The following SEMA4A variants were observed in gnomAD, a reference collection of about 807,000 sequenced individuals.
The protein encoded by SEMA4A is semaphorin 4A, also known as semaphorin-4A.
In SEMA4A, 52 loss-of-function variants were observed where a neutral mutation model predicts 72.5. The ratio of observed to expected loss-of-function variants is 0.72; its 90% CI spans 0.57 to 0.90. The LOEUF is 0.90. SEMA4A is among the 40% of genes least tolerant of loss of function. The pLI, the probability that SEMA4A is intolerant of heterozygous loss-of-function variation, is 0.00. For synonymous variants in SEMA4A, 369 were observed against 393.1 expected (o/e 0.94, Z 0.73); for missense variants, 926 against 959.7 (o/e 0.96, Z 0.46).
Position 156,162,981 on chromosome 1 carries a change from TTC to T in SEMA4A, c.1029_1030del (p.Leu344GlyfsTer3), listed in dbSNP as rs1653804883. On this transcript the variant is annotated frameshift_variant, in exon 10 of 15. Coordinates refer to ENST00000368285, the MANE Select transcript of SEMA4A (RefSeq NM_022367.4). LOFTEE classifies it high-confidence loss of function. ...GACCAGGAGCTCTGCGGTTTGTGCC[TTC>T]TCTCTCTTGGACATTGAACGTGTCT... is the stretch of plus-strand genomic sequence containing the variant. Reference protein sequence around the residue: ...GGTRSSAVCAFSLLDIERVFK... With the variant: ...GGTRSSAVCAXSLLDIERVFK... 3 of 1,614,072 alleles carry T rather than the reference TTC, an allele frequency of 1.9e-6. No homozygotes were observed. The highest frequency in any genetic ancestry group is 2.5e-6 in the Non-Finnish European group (3 of 1,180,036).
rs766225525 is a variant in SEMA4A, at chr1:156,160,998, T to G, written c.779T>G (p.Leu260Arg). 7.0e-6 allele frequency: 11 copies of G among 1,581,432 alleles called. No homozygotes were observed. The highest frequency in any genetic ancestry group is 9.5e-6 in the Non-Finnish European group (11 of 1,163,054). Residue 260 changes from leucine (L) to arginine (R), a missense_variant, in exon 8 of 15, where the codon CTC becomes CGC. Leu to Arg is a moderately radical substitution (Grantham distance 102). Coordinates refer to ENST00000368285, the MANE Select transcript of SEMA4A (RefSeq NM_022367.4). ...AGCGAGTTTGACTTCTTTGAGAGGC[T>G]CCACACATCGCGGGTGGCTAGAGTC... ...TASEFDFFER[L>R]HTSRVARVCK...
At chr1:156,152,872 C>T (rs950125766), upstream of SEMA4A, among the ~76,000 whole-genome samples, 3 of 152,136 alleles carry the variant, frequency 2.0e-5, no homozygotes, top group South Asian at 2.1e-4. Flanking sequence ...CTGACCATGT[C>T]GAGTGGGCAG....
intron 2 of SEMA4A, 132 bp downstream of exon 2, chr1:156,154,849 G>A (rs1444932884): frequency 2.7e-6 from 3 of 1,097,668 alleles, no homozygotes; most frequent in African/African-American, 1.6e-5. Context: ...ATGCCAGGGA[G>A]AAACAGAGGA....
rs1260015470 is a variant in SEMA4A, at chr1:156,163,097, G to A, written c.1134+3G>A. ...AGACCAACCCCCGGCCAGGCAGTGT[G>A]AGTACTACCCCCCACACTGAGCACA... On this transcript the variant is annotated splice_donor_region_variant and intron_variant, in intron 10 of 14. Transcript: ENST00000368285. The A allele has an allele frequency of 6.2e-7, 1 of 1,612,380 alleles. No individual in the cohort carries two copies. The highest frequency in any genetic ancestry group is 2.2e-5 in the East Asian group (1 of 44,884).
Position 156,155,080 on chromosome 1 carries a change from G to A in SEMA4A, c.139+363G>A, listed in dbSNP as rs1200524753. The A allele has an allele frequency of 9.4e-6, 3 of 319,438 alleles. No individual in the cohort carries two copies. In the Admixed American group the frequency reaches 1.4e-4, roughly 15 times the overall value. 19.8% of individuals were successfully genotyped at this position (319,438 alleles called of 1,614,324 possible). ...CACTCCCAGGTACCCCAAAGTCAAGGCCCATGCTAGAAGACCATATGTGGA... is the reference window on the plus strand; with the variant it reads ...CACTCCCAGGTACCCCAAAGTCAAGACCCATGCTAGAAGACCATATGTGGA... On this transcript the variant is annotated intron_variant, in intron 2 of 14. Transcript: ENST00000368285.
upstream of SEMA4A, among the ~76,000 whole-genome samples, chr1:156,147,950 C>A (rs1652226977): frequency 6.6e-6 from 1 of 152,348 alleles, no homozygotes; most frequent in South Asian, 2.1e-4. Flanking sequence ...GACTATGTCC[C>A]TACTCTCTCA....
intron 10 of SEMA4A, among the ~76,000 whole-genome samples, chr1:156,172,370 C>G (rs1470395870): frequency 6.6e-6 from 1 of 152,146 alleles, no homozygotes; most frequent in African/African-American, 2.4e-5. Flanking sequence ...CCCACCTAGG[C>G]CTCCCAAAGT....
chr1:156,162,989 CTT>C lies in SEMA4A; in HGVS notation c.1030_1031del (p.Leu344GlyfsTer3), dbSNP rs1653806064. ...RSSAVCAFSL[L>X]DIERVFKGKY... Reference sequence around the variant, plus strand: ...GCTCTGCGGTTTGTGCCTTCTCTCTCTTGGACATTGAACGTGTCTTTAAGGGG... The same window carrying C: ...GCTCTGCGGTTTGTGCCTTCTCTCTCGGACATTGAACGTGTCTTTAAGGGG... On this transcript the variant is annotated frameshift_variant, in exon 10 of 15. Coordinates refer to ENST00000368285, the MANE Select transcript of SEMA4A (RefSeq NM_022367.4). LOFTEE classifies it high-confidence loss of function. 1.9e-6 allele frequency: 3 copies of C among 1,614,130 alleles called. No homozygotes were observed. The highest frequency in any genetic ancestry group is 2.2e-5 in the East Asian group (1 of 44,886).
intron 9 of SEMA4A, among the ~76,000 whole-genome samples, chr1:156,161,942 A>G (rs1454303009): frequency 6.6e-6 from 1 of 152,208 alleles, no homozygotes; most frequent in African/African-American, 2.4e-5. Flanking sequence ...CAGGGCAAAC[A>G]GGGAAACGCT....
rs772158867 is a variant in SEMA4A, at chr1:156,176,725, G to A, written c.2014G>A (p.Ala672Thr). Reference protein sequence around the residue: ...KVPLTRVSGGAALAAQQSYWP... With the variant: ...KVPLTRVSGGTALAAQQSYWP... ...CCCGTTGACCAGGGTCAGTGGTGGG[G>A]CCGCCCTGGCTGCCCAGCAGTCCTA... Residue 672 changes from alanine to threonine, a missense_variant, in exon 15 of 15, where the codon GCC (alanine) becomes ACC (threonine). Ala to Thr is a moderately conservative substitution (Grantham distance 58, BLOSUM62 0). Coordinates refer to ENST00000368285, the MANE Select transcript of SEMA4A (RefSeq NM_022367.4). The A allele has an allele frequency of 6.8e-6, 11 of 1,613,190 alleles. 1 individual carries two copies. The highest frequency in any genetic ancestry group is 2.2e-5 in the South Asian group (2 of 91,060).
chr1:156,156,107 G>A, intron 2 of SEMA4A: 2 of 402,928 alleles, frequency 5.0e-6, no homozygotes, highest in South Asian at 4.1e-5. Flanking sequence ...TGAGGACCAA[G>A]GCGTCCTCCC....
At chr1:156,163,290 C>T (rs931809508) in intron 10 of SEMA4A, 196 bp downstream of exon 10, 14 of 622,718 alleles carry the variant, frequency 2.2e-5, no homozygotes, top group Non-Finnish European at 3.1e-5. Context: ...GGAGCAGTTG[C>T]TGGAGCCATC....
In SEMA4A at chr1:156,160,916, T is replaced by G. The variant is rs1041225246; in HGVS notation, c.697T>G (p.Phe233Val). 9.9e-6 allele frequency: 16 copies of G among 1,613,300 alleles called. No homozygotes were observed. The highest frequency in any genetic ancestry group is 1.3e-5 in the Non-Finnish European group (15 of 1,179,730). ...FLRWLHHDAS[F>V]VAAIPSTQVV... ...CCCCTCCCCCGCAGATGACGCCTCC[T>G]TTGTGGCAGCCATCCCTTCGACCCA... is the stretch of plus-strand genomic sequence containing the variant. The change falls in exon 8 of 15, where the codon TTT becomes GTT. Residue 233 changes from phenylalanine to valine, a missense_variant. Transcript: ENST00000368285.
chr1:156,164,702 C>T (rs1402983754), intron 10 of SEMA4A, among the ~76,000 whole-genome samples: 1 of 152,104 alleles, frequency 6.6e-6, no homozygotes, highest in Non-Finnish European at 1.5e-5. Context: ...AGGCAGTAAG[C>T]CATGATTACT....
At position 156,153,602 on chromosome 1, in the gene SEMA4A, G is replaced by C. The variant is rs1435747614; in HGVS notation, c.-192G>C. 1 of 152,398 alleles carries C rather than the reference G, an allele frequency of 6.6e-6. No individual in the cohort carries two copies. Among genetic ancestry groups the C allele is most frequent in the Non-Finnish European group, 1.5e-5 (1 of 68,074 alleles). 9.4% of individuals were successfully genotyped at this position (152,398 alleles called of 1,614,324 possible). ...GAGCTCCCAGTGCTGGCTTTGGCATGATGGGCACCTGGAGGGCCGCACTCC... is the reference window on the plus strand; with the variant it reads ...GAGCTCCCAGTGCTGGCTTTGGCATCATGGGCACCTGGAGGGCCGCACTCC... On this transcript the variant is annotated 5_prime_UTR_variant, in exon 1 of 15. An upstream start codon of the reference 5' UTR is lost. Transcript: ENST00000368285.
intron 10 of SEMA4A, among the ~76,000 whole-genome samples, chr1:156,166,360 A>G (rs564444732): frequency 1.4e-4 from 22 of 152,238 alleles, no homozygotes; most frequent in African/African-American, 5.3e-4. Flanking sequence ...CTTTTCATTC[A>G]ACAAATATTT....
chr1:156,168,013 C>T (rs1572412769), intron 10 of SEMA4A, among the ~76,000 whole-genome samples: 3 of 152,014 alleles, frequency 2.0e-5, no homozygotes, highest in Non-Finnish European at 1.5e-5. Flanking sequence ...CTCCACCTCT[C>T]GGCTTTAGGC....
At position 156,177,071 on chromosome 1, in the gene SEMA4A, C is replaced by T. The variant is rs1572434494; in HGVS notation, c.*74C>T. The T allele has an allele frequency of 1.8e-5, 23 of 1,310,382 alleles. No individual in the cohort carries two copies. The East Asian group carries it at 5.4e-4, about 31-fold the overall frequency. 81.2% of individuals were successfully genotyped at this position (1,310,382 alleles called of 1,614,324 possible). A position where few individuals can be genotyped will look rare whatever the true frequency, so the allele number is the denominator to read the frequency against. On this transcript the variant is annotated 3_prime_UTR_variant, in exon 15 of 15. Transcript: ENST00000368285. ...CTGGGCGGCCCAAGCACAGCCCTGA[C>T]TAGGATGACAGCAGCACAAAAGACC...
Position 156,176,424 on chromosome 1 carries a change from C to A in SEMA4A, c.1713C>A (p.Val571=). ...RPQIIKEVLA[V]PNSILELPCP... is the part of the protein sequence containing the mutation. ...CTACAGTTAAAGAAGTCCTGGCTGT[C>A]CCCAACTCCATCCTGGAGCTCCCCT... The change falls in exon 15 of 15, where the codon GTC becomes GTA. Residue 571 remains valine, a synonymous_variant. Coordinates refer to ENST00000368285, the MANE Select transcript of SEMA4A (RefSeq NM_022367.4). The A allele has an allele frequency of 6.2e-7, 1 of 1,613,940 alleles. No homozygotes were observed. Among genetic ancestry groups the A allele is most frequent in the Middle Eastern group, 1.6e-4 (1 of 6,062 alleles).
Sources: allele counts gnomAD v4.1 joint callset (sites outside exome capture counted in the v4.1 genomes callset), GRCh38; gene constraint gnomAD v4.1.1; transcripts MANE v1.5; gene names NCBI Gene and HGNC (gene_info 2026-07-23, HGNC 2026-07-21).